Variants in NRXN3 observed in about 807,000 individuals in gnomAD.
NRXN3 encodes the protein neurexin 3.
Under a neutral mutation model 137.6 loss-of-function variants are expected in NRXN3, and 32 were observed. The observed-to-expected ratio is 0.23, with a 90% CI of 0.18 to 0.31. The LOEUF is 0.31. Among genes scored for constraint, NRXN3 ranks in the 10% least tolerant of loss-of-function variants. The probability of loss-of-function intolerance (pLI) is 1.00; values close to 1 mark genes in which losing one functional copy is unlikely to be tolerated. For synonymous variants in NRXN3, 798 were observed against 784.5 expected (o/e 1.02, Z -0.29); for missense variants, 1,574 against 2,062.5 (o/e 0.76, Z 4.59).
At chr14:79,558,536 A>G (rs1306839034) in intron 16 of NRXN3, among the ~76,000 whole-genome samples, 1 of 151,396 alleles carries the variant, frequency 6.6e-6, no homozygotes, top group Non-Finnish European at 1.5e-5. Flanking sequence ...TAAAATTTTG[A>G]TAGGATGTTC....
intron 15 of NRXN3, among the ~76,000 whole-genome samples, chr14:79,176,811 A>G (rs780241005): frequency 6.6e-6 from 1 of 152,190 alleles, no homozygotes; most frequent in African/African-American, 2.4e-5. Context: ...TGCACTTTTT[A>G]TATTGATACT....
intron 3 of NRXN3, among the ~76,000 whole-genome samples, chr14:78,291,952 C>T (rs923849666): frequency 6.6e-6 from 1 of 152,034 alleles, no homozygotes; most frequent in African/African-American, 2.4e-5. Context: ...TCCTTCCTTC[C>T]CCGAAATGCT....
At chr14:79,587,907 A>C (rs1162062438) in intron 16 of NRXN3, among the ~76,000 whole-genome samples, 1 of 152,180 alleles carries the variant, frequency 6.6e-6, no homozygotes, top group East Asian at 1.9e-4. Flanking sequence ...AATTCCCTAA[A>C]TTATATTTGC....
chr14:79,020,674 A>G (rs1430732558), intron 15 of NRXN3, among the ~76,000 whole-genome samples: 1 of 152,036 alleles, frequency 6.6e-6, no homozygotes, highest in Non-Finnish European at 1.5e-5. Flanking sequence ...TGAATAAGAA[A>G]AGAAACCCAT....
chr14:79,459,474 A>G lies in NRXN3; in HGVS notation c.3263-7747A>G, dbSNP rs182415542. 6.4e-3 allele frequency among the ~76,000 whole-genome samples: 979 copies of G among 152,156 alleles called. 8 individuals are homozygous for G. The highest frequency in any genetic ancestry group is 0.022 in the African/African-American group (905 of 41,520). ...CAAAGGGAAAACCATGGGAAGATAC[A>G]GGGAGAAGATGATTGTCTACAAGCC... is the stretch of plus-strand genomic sequence containing the variant. On this transcript the variant is annotated intron_variant, in intron 15 of 20. Coordinates refer to ENST00000335750, the MANE Select transcript of NRXN3 (RefSeq NM_001330195.2).
chr14:78,227,000 A>G (rs1004727435), intron 1 of NRXN3, among the ~76,000 whole-genome samples: 1 of 152,228 alleles, frequency 6.6e-6, no homozygotes, highest in African/African-American at 2.4e-5. Flanking sequence ...TAGGTTTTAT[A>G]TCATATGCCT....
chr14:79,459,925 G>A (rs1052497771), intron 15 of NRXN3, among the ~76,000 whole-genome samples: 4 of 152,104 alleles, frequency 2.6e-5, no homozygotes, highest in Middle Eastern at 3.4e-3. Flanking sequence ...ACAGCATTGC[G>A]TATTCTACCA....
At chr14:78,990,834 G>A (rs977010215) in intron 15 of NRXN3, among the ~76,000 whole-genome samples, 1 of 152,202 alleles carries the variant, frequency 6.6e-6, no homozygotes, top group East Asian at 1.9e-4. Flanking sequence ...TTATCTGGAA[G>A]ACCTTCTGTT....
chr14:79,145,471 T>G (rs2059220163), intron 15 of NRXN3, among the ~76,000 whole-genome samples: 1 of 152,144 alleles, frequency 6.6e-6, no homozygotes, highest in South Asian at 2.1e-4. Context: ...AGTGACAGAC[T>G]GTTATAAATG....
chr14:79,039,440 A>G (rs2152524694), intron 15 of NRXN3, among the ~76,000 whole-genome samples: 2 of 152,232 alleles, frequency 1.3e-5, no homozygotes, highest in Admixed American at 1.3e-4. Flanking sequence ...TCATATGAGA[A>G]TATTGAGAAT....
intron 18 of NRXN3, among the ~76,000 whole-genome samples, chr14:79,692,573 A>C (rs1008561972): frequency 6.6e-6 from 1 of 152,092 alleles, no homozygotes; most frequent in Non-Finnish European, 1.5e-5. Flanking sequence ...GACATTATTT[A>C]TTAATTTGTT....
chr14:79,245,937 G>A (rs1022731401), intron 15 of NRXN3, among the ~76,000 whole-genome samples: 2 of 152,094 alleles, frequency 1.3e-5, no homozygotes, highest in East Asian at 1.9e-4. Flanking sequence ...AAGGGTCATA[G>A]GTCCTTAGAT....
intron 4 of NRXN3, among the ~76,000 whole-genome samples, chr14:78,544,123 G>A (rs1164352706): frequency 6.6e-6 from 1 of 152,198 alleles, no homozygotes; most frequent in African/African-American, 2.4e-5. Context: ...CATGCTGATA[G>A]CAGAGGAGCC....
chr14:78,759,244 G>C (rs753953743), intron 8 of NRXN3, among the ~76,000 whole-genome samples: 2 of 152,150 alleles, frequency 1.3e-5, no homozygotes, highest in African/African-American at 4.8e-5. Context: ...TGGTATTTCC[G>C]CTTGTTGGTA....
intron 16 of NRXN3, among the ~76,000 whole-genome samples, chr14:79,493,631 G>A (rs2153660563): frequency 6.6e-6 from 1 of 152,254 alleles, no homozygotes; most frequent in East Asian, 1.9e-4. Context: ...GAATAGGTAT[G>A]GATTTTATTC....
chr14:78,457,432 T>A (rs947833850), intron 4 of NRXN3, among the ~76,000 whole-genome samples: 25 of 152,056 alleles, frequency 1.6e-4, no homozygotes, highest in Admixed American at 1.6e-3. Flanking sequence ...TATTAGGTGA[T>A]AGAGGAGAGG....
At chr14:79,842,231 C>T (rs773667533) in intron 20 of NRXN3, among the ~76,000 whole-genome samples, 4 of 152,144 alleles carry the variant, frequency 2.6e-5, no homozygotes, top group Non-Finnish European at 5.9e-5. Context: ...AATGTAAATA[C>T]ATGGGCAAAA....
In NRXN3 at chr14:78,173,791, C is replaced by A. The variant is rs1342520850; in HGVS notation, c.-704+3117C>A. Among the ~76,000 whole-genome samples the A allele has an allele frequency of 2.4e-5, 3 of 125,832 alleles. No homozygotes were observed. The Admixed American group carries it at 2.9e-4, about 12-fold the overall frequency. 82.6% of individuals were successfully genotyped at this position (125,832 alleles called of 152,430 possible). A position where few individuals can be genotyped will look rare whatever the true frequency, so the allele number is the denominator to read the frequency against. Reference sequence around the variant, plus strand: ...CGGATGCAGCCTTCTGATAGGAGGGCAAAGTCGGCACATCCACACACACAC... The same window carrying A: ...CGGATGCAGCCTTCTGATAGGAGGGAAAAGTCGGCACATCCACACACACAC... On this transcript the variant is annotated intron_variant, in intron 1 of 20. Transcript: ENST00000335750.
At chr14:78,217,242 A>G (rs1219850216) in intron 1 of NRXN3, among the ~76,000 whole-genome samples, 1 of 152,246 alleles carries the variant, frequency 6.6e-6, no homozygotes. Context: ...TTTATCACTC[A>G]AATGAACAAT....
Sources: allele counts gnomAD v4.1 joint callset (sites outside exome capture counted in the v4.1 genomes callset), GRCh38; gene constraint gnomAD v4.1.1; transcripts MANE v1.5; gene names NCBI Gene and HGNC (gene_info 2026-07-23, HGNC 2026-07-21).